Variants in DGKB observed in about 807,000 individuals in gnomAD.
The protein encoded by DGKB is 90 kDa diacylglycerol kinase.
DGKB carries 67 observed loss-of-function variants against 114.3 expected under a neutral mutation model. That is an observed-to-expected ratio of 0.59 (90% CI 0.48 to 0.72). The LOEUF (loss-of-function observed/expected upper bound fraction) is 0.72, where lower values mean the gene tolerates loss of function less well. DGKB is among the 30% of genes least tolerant of loss of function. The pLI, the probability that DGKB is intolerant of heterozygous loss-of-function variation, is 0.00. For missense variants in DGKB, 907 were observed against 975.2 expected (o/e 0.93, Z 0.93); for synonymous variants, 398 against 323.1 (o/e 1.23, Z -2.49).
chr7:14,955,924 A>G (rs1471140548), intron 1 of DGKB, among the ~76,000 whole-genome samples: 1 of 152,012 alleles, frequency 6.6e-6, no homozygotes, highest in African/African-American at 2.4e-5. Context: ...ACTACCTTGT[A>G]AGAACTACTA....
chr7:14,860,052 A>G (rs1384638620), intron 1 of DGKB, among the ~76,000 whole-genome samples: 3 of 152,122 alleles, frequency 2.0e-5, no homozygotes, highest in Non-Finnish European at 4.4e-5. Context: ...GACAAAAAGA[A>G]AACAGTTTCT....
At chr7:14,847,247 C>CAA (rs1848756688) in intron 1 of DGKB, among the ~76,000 whole-genome samples, 1 of 147,696 alleles carries the variant, frequency 6.8e-6, no homozygotes, top group Non-Finnish European at 1.5e-5. Flanking sequence ...GCCGAGATGG[C>CAA]GCCACTGCAC....
At chr7:14,619,969 T>C (rs1351588071) in intron 15 of DGKB, among the ~76,000 whole-genome samples, 1 of 151,666 alleles carries the variant, frequency 6.6e-6, no homozygotes, top group Non-Finnish European at 1.5e-5. Flanking sequence ...CTTTCATTAA[T>C]TTCATTCCAG....
chr7:14,309,132 C>T (rs537901274), intron 23 of DGKB, among the ~76,000 whole-genome samples: 7 of 152,132 alleles, frequency 4.6e-5, no homozygotes, highest in African/African-American at 1.4e-4. Context: ...GGGAGAATTG[C>T]TTGATCCCAG....
chr7:14,653,286 A>G (rs1398401800), intron 13 of DGKB, among the ~76,000 whole-genome samples: 1 of 151,794 alleles, frequency 6.6e-6, no homozygotes, highest in South Asian at 2.1e-4. Flanking sequence ...CTGGATTAAG[A>G]AAATGTGGCG....
At chr7:14,212,764 T>TG (rs1173764726) in intron 23 of DGKB, among the ~76,000 whole-genome samples, 8 of 152,094 alleles carry the variant, frequency 5.3e-5, no homozygotes, top group South Asian at 2.1e-4. Context: ...AAAATACTTT[T>TG]TTTTCTAAAG....
At chr7:14,764,093 C>T (rs540269498) in intron 2 of DGKB, among the ~76,000 whole-genome samples, 40 of 151,952 alleles carry the variant, frequency 2.6e-4, no homozygotes, top group Admixed American at 2.4e-3. Context: ...GAAGACTTTT[C>T]CTGTGCTCAG....
chr7:14,698,430 T>C (rs1434570558), intron 7 of DGKB, among the ~76,000 whole-genome samples: 1 of 152,148 alleles, frequency 6.6e-6, no homozygotes, highest in Non-Finnish European at 1.5e-5. Flanking sequence ...TACATTTTCT[T>C]CTACTAAAAG....
intron 6 of DGKB, among the ~76,000 whole-genome samples, chr7:14,709,982 A>C (rs1372431677): frequency 2.0e-5 from 3 of 151,574 alleles, no homozygotes; most frequent in African/African-American, 7.3e-5. Flanking sequence ...AAAAAAAAGA[A>C]AAGAAAAGAA....
In DGKB at chr7:14,718,652, G is replaced by T. The variant is rs754726838; in HGVS notation, c.356C>A (p.Pro119His). The T allele has an allele frequency of 2.5e-6, 4 of 1,611,792 alleles. No individual in the cohort carries two copies. In the Admixed American group the frequency reaches 6.7e-5, roughly 27 times the overall value. ...LRMNKGAITPPRTTSPANTCS... is the reference protein window; with the variant it reads ...LRMNKGAITPHRTTSPANTCS... The stretch of plus-strand genomic sequence containing the variant: ...CGTATTTGCAGGAGAAGTAGTCCGG[G>T]GAGGGGTGATGGCACCTTTATTCAT... Residue 119 changes from proline (P) to histidine (H), a missense_variant, in exon 6 of 26, where the codon CCC (proline) becomes CAC (histidine). Pro to His is a moderately conservative substitution (Grantham distance 77, BLOSUM62 -2). Coordinates refer to ENST00000402815, the MANE Select transcript of DGKB (RefSeq NM_001350709.2).
At chr7:14,672,710 C>T (rs891623862) in intron 13 of DGKB, among the ~76,000 whole-genome samples, 3 of 151,974 alleles carry the variant, frequency 2.0e-5, no homozygotes, top group African/African-American at 4.8e-5. Context: ...CCTGAGTCAG[C>T]GTCATTTCAA....
intron 23 of DGKB, among the ~76,000 whole-genome samples, chr7:14,282,450 C>A (rs1241127919): frequency 6.7e-6 from 1 of 149,684 alleles, no homozygotes; most frequent in Non-Finnish European, 1.5e-5. Flanking sequence ...GGAACTGGTA[C>A]CATTCCTTCT....
chr7:14,272,892 G>T (rs1021049477), intron 23 of DGKB, among the ~76,000 whole-genome samples: 20 of 152,174 alleles, frequency 1.3e-4, no homozygotes, highest in Admixed American at 8.5e-4. Flanking sequence ...TATAAAATGT[G>T]TAGGTTTGCA....
intron 2 of DGKB, among the ~76,000 whole-genome samples, chr7:14,765,605 T>C (rs1387058987): frequency 6.6e-6 from 1 of 151,954 alleles, no homozygotes; most frequent in African/African-American, 2.4e-5. Flanking sequence ...AAAATATTTG[T>C]AAGAGTCATT....
chr7:14,950,442 G>T (rs1786126142), intron 1 of DGKB, among the ~76,000 whole-genome samples: 1 of 151,822 alleles, frequency 6.6e-6, no homozygotes, highest in South Asian at 2.1e-4. Context: ...GAACAAAAAA[G>T]CTGTAGAGAA....
chr7:14,507,112 T>C (rs1326868408), intron 20 of DGKB, among the ~76,000 whole-genome samples: 2 of 152,172 alleles, frequency 1.3e-5, no homozygotes, highest in Non-Finnish European at 2.9e-5. Context: ...ATAACTTCTA[T>C]TGTGTTAAGC....
chr7:14,667,700 G>A (rs900438465), intron 13 of DGKB, among the ~76,000 whole-genome samples: 1 of 152,104 alleles, frequency 6.6e-6, no homozygotes, highest in Non-Finnish European at 1.5e-5. Flanking sequence ...AGACTGAAAA[G>A]GCTCAGAGCC....
intron 25 of DGKB, among the ~76,000 whole-genome samples, chr7:14,170,655 GTAAC>G (rs1377068642): frequency 6.6e-6 from 1 of 152,096 alleles, no homozygotes; most frequent in Non-Finnish European, 1.5e-5. Context: ...CGATTAAAGA[GTAAC>G]TAACACTTTA....
intron 23 of DGKB, among the ~76,000 whole-genome samples, chr7:14,283,384 ACATT>A (rs1396211547): frequency 1.3e-5 from 2 of 151,546 alleles, no homozygotes; most frequent in African/African-American, 4.9e-5. Flanking sequence ...AAATGGAAGA[ACATT>A]CCATGCTCAT....
Sources: gnomAD v4.1 joint callset for allele counts (sites outside exome capture counted in the v4.1 genomes callset) on GRCh38, gnomAD v4.1.1 for gene constraint, MANE v1.5 for transcripts, NCBI Gene and HGNC (gene_info 2026-07-23, HGNC 2026-07-21) for gene names.